Variants in TSHZ3 observed in about 807,000 individuals in gnomAD.
TSHZ3 encodes the protein teashirt zinc finger homeobox 3.
In TSHZ3, 10 loss-of-function variants were observed where a neutral mutation model predicts 64.5. The ratio of observed to expected loss-of-function variants is 0.16; its 90% CI spans 0.10 to 0.26. The LOEUF (loss-of-function observed/expected upper bound fraction) is 0.26, where lower values mean the gene tolerates loss of function less well. TSHZ3 is among the 10% of genes least tolerant of loss of function. The pLI, the probability that TSHZ3 is intolerant of heterozygous loss-of-function variation, is 1.00. For synonymous variants in TSHZ3, 608 were observed against 593.1 expected (o/e 1.03, Z -0.36); for missense variants, 1,242 against 1,421.7 (o/e 0.87, Z 2.03).
intron 1 of TSHZ3, among the ~76,000 whole-genome samples, chr19:31,267,276 C>T (rs965669819): frequency 2.0e-5 from 3 of 152,180 alleles, no homozygotes; most frequent in Non-Finnish European, 4.4e-5. Flanking sequence ...TCACCCTTGC[C>T]TGAGAATTGT....
rs1407701797 is a variant in TSHZ3 at position 31,275,503 on chromosome 19, T to G, written c.*1044A>C. 1 of 152,410 alleles carries G rather than the reference T, an allele frequency of 6.6e-6. No individual in the cohort carries two copies. Among genetic ancestry groups the G allele is most frequent in the East Asian group, 1.9e-4 (1 of 5,180 alleles). The allele number at this position is 152,410 out of a possible 1,614,324, so 9.4% of individuals were successfully genotyped here. On this transcript the variant is annotated 3_prime_UTR_variant, in exon 2 of 2. Coordinates refer to ENST00000240587, the MANE Select transcript of TSHZ3 (RefSeq NM_020856.4). ...CTTTGAGCACTGAGTTTATTTTGAGTGTTCTTTGATTTCTAATAAATACCT... is the reference window on the plus strand; with the variant it reads ...CTTTGAGCACTGAGTTTATTTTGAGGGTTCTTTGATTTCTAATAAATACCT...
intron 4 of TSHZ3, among the ~76,000 whole-genome samples, chr19:31,220,866 C>T (rs1373867391): frequency 2.0e-5 from 3 of 152,156 alleles, no homozygotes; most frequent in African/African-American, 7.2e-5. Flanking sequence ...ATATTTATGA[C>T]TCCAGGATTG....
chr19:31,301,647 C>T (rs1976758994), intron 1 of TSHZ3, among the ~76,000 whole-genome samples: 1 of 152,138 alleles, frequency 6.6e-6, no homozygotes, highest in Non-Finnish European at 1.5e-5. Context: ...ACCCTCAGGC[C>T]TCCCATGGCA....
chr19:31,333,542 G>A (rs1263344365), intron 1 of TSHZ3, among the ~76,000 whole-genome samples: 1 of 152,100 alleles, frequency 6.6e-6, no homozygotes, highest in African/African-American at 2.4e-5. Flanking sequence ...TGCAGAGTGT[G>A]TTATCTCTCC....
chr19:31,202,947 T>G (rs1975108983), intron 5 of TSHZ3, among the ~76,000 whole-genome samples: 1 of 152,074 alleles, frequency 6.6e-6, no homozygotes, highest in Non-Finnish European at 1.5e-5. Context: ...GACACCGAAC[T>G]AGACCAATAT....
chr19:31,307,043 CA>C (rs113613435), intron 1 of TSHZ3, among the ~76,000 whole-genome samples: 2,734 of 137,516 alleles, frequency 0.02, 76 homozygotes, highest in African/African-American at 0.064. Flanking sequence ...AATTAGAAGC[CA>C]AAAAAAAAAA....
chr19:31,230,064 A>G (rs1043172086), intron 3 of TSHZ3, among the ~76,000 whole-genome samples: 3 of 152,206 alleles, frequency 2.0e-5, no homozygotes, highest in African/African-American at 7.2e-5. Context: ...TCAGAAAATA[A>G]TCATAAATAA....
intron 1 of TSHZ3, among the ~76,000 whole-genome samples, chr19:31,268,887 A>G (rs1270706756): frequency 6.6e-6 from 1 of 152,084 alleles, no homozygotes; most frequent in East Asian, 1.9e-4. Context: ...CAGGGAGGGG[A>G]AAATTCCTGA....
chr19:31,222,944 G>A (rs1165258332), intron 4 of TSHZ3, among the ~76,000 whole-genome samples: 1 of 152,160 alleles, frequency 6.6e-6, no homozygotes, highest in African/African-American at 2.4e-5. Flanking sequence ...CGAGTCTCCC[G>A]CTGCCTGCCC....
intron 1 of TSHZ3, among the ~76,000 whole-genome samples, chr19:31,284,056 C>T (rs1439005296): frequency 2.0e-5 from 3 of 152,186 alleles, no homozygotes; most frequent in Non-Finnish European, 2.9e-5. Context: ...CTACTGTCTC[C>T]AACAGTATTT....
intron 1 of TSHZ3, among the ~76,000 whole-genome samples, chr19:31,249,286 A>C (rs1326787124): frequency 6.6e-6 from 1 of 152,216 alleles, no homozygotes; most frequent in African/African-American, 2.4e-5. Context: ...GCTTATTCAG[A>C]GGGGCAGGAT....
At chr19:31,226,664 G>C in intron 4 of TSHZ3, among the ~76,000 whole-genome samples, 1 of 152,014 alleles carries the variant, frequency 6.6e-6, no homozygotes, top group Non-Finnish European at 1.5e-5. Flanking sequence ...CCTTCCATCT[G>C]AGCACCAACC....
intron 1 of TSHZ3, among the ~76,000 whole-genome samples, chr19:31,320,587 G>C (rs965324336): frequency 2.0e-5 from 3 of 152,200 alleles, no homozygotes; most frequent in Non-Finnish European, 4.4e-5. Context: ...CTTCTCGGGA[G>C]AAGGGACATG....
At chr19:31,220,019 C>T (rs541142455) in intron 4 of TSHZ3, among the ~76,000 whole-genome samples, 22 of 151,972 alleles carry the variant, frequency 1.4e-4, no homozygotes, top group Non-Finnish European at 2.6e-4. Context: ...CAATTAAAGA[C>T]GATTTCTCCC....
intron 5 of TSHZ3, among the ~76,000 whole-genome samples, chr19:31,203,201 C>A (rs1975112826): frequency 6.6e-6 from 1 of 152,102 alleles, no homozygotes; most frequent in African/African-American, 2.4e-5. Flanking sequence ...GGTGGAAGGG[C>A]ATTCCCAGAA....
intron 5 of TSHZ3, among the ~76,000 whole-genome samples, chr19:31,182,118 T>C (rs1196720959): frequency 6.6e-6 from 1 of 152,162 alleles, no homozygotes; most frequent in African/African-American, 2.4e-5. Context: ...TCCTCCAATG[T>C]GGAATAGGAA....
intron 1 of TSHZ3, among the ~76,000 whole-genome samples, chr19:31,248,574 G>T (rs1427819356): frequency 1.3e-5 from 2 of 151,384 alleles, no homozygotes; most frequent in Non-Finnish European, 2.9e-5. Flanking sequence ...TTGGGCCCAG[G>T]AGTTCCAGAC....
intron 5 of TSHZ3, among the ~76,000 whole-genome samples, chr19:31,179,352 CAG>C (rs1974663032): frequency 6.6e-6 from 1 of 152,170 alleles, no homozygotes. Flanking sequence ...GAGAGAAAGA[CAG>C]GGGAACAAAT....
intron 5 of TSHZ3, among the ~76,000 whole-genome samples, chr19:31,198,021 C>T (rs955364514): frequency 6.6e-6 from 1 of 152,034 alleles, no homozygotes; most frequent in Non-Finnish European, 1.5e-5. Flanking sequence ...AACCAAAATT[C>T]TCATGGACAT....
Sources: allele counts gnomAD v4.1 joint callset (sites outside exome capture counted in the v4.1 genomes callset), GRCh38; gene constraint gnomAD v4.1.1; transcripts MANE v1.5; gene names NCBI Gene and HGNC (gene_info 2026-07-23, HGNC 2026-07-21).